The following C10orf67 variants were observed in gnomAD, a reference collection of about 807,000 sequenced individuals.
The protein encoded by C10orf67 is chromosome 10 open reading frame 67.
In C10orf67, 60 loss-of-function variants were observed where a neutral mutation model predicts 35.6. The ratio of observed to expected loss-of-function variants is 1.68; its 90% CI spans 1.37 to 2.09. C10orf67 has a LOEUF of 2.09. Among genes scored for constraint, C10orf67 ranks in the 30% most tolerant of loss-of-function variants. The pLI, the probability that C10orf67 is intolerant of heterozygous loss-of-function variation, is 0.00. For synonymous variants in C10orf67, 167 were observed against 115.8 expected, an observed-to-expected ratio of 1.44 and a Z score of -2.84; for missense variants, 474 against 330.2, an observed-to-expected ratio of 1.44 and a Z score of -3.38.
intron 13 of C10orf67, among the ~76,000 whole-genome samples, 169 bp downstream of exon 13, chr10:23,239,560 T>C (rs1417779245): frequency 6.6e-6 from 1 of 152,212 alleles, no homozygotes; most frequent in Non-Finnish European, 1.5e-5. Flanking sequence ...ACTGAGCTCT[T>C]TGGGTTCAGG....
chr10:23,245,280 G>T (rs1157976170), intron 12 of C10orf67, among the ~76,000 whole-genome samples: 1 of 152,108 alleles, frequency 6.6e-6, no homozygotes, highest in African/African-American at 2.4e-5. Flanking sequence ...AGGAGGGAAA[G>T]CTTTTTCACA....
chr10:23,318,058 C>T (rs1844797002), intron 4 of C10orf67: 1 of 135,592 alleles, frequency 7.4e-6, no homozygotes, highest in Admixed American at 8.0e-5. Context: ...GCTATGAGCA[C>T]ACCCTACATT....
chr10:23,250,949 T>C (rs1235329187), intron 10 of C10orf67, among the ~76,000 whole-genome samples: 1 of 151,942 alleles, frequency 6.6e-6, no homozygotes, highest in Non-Finnish European at 1.5e-5. Context: ...AATTAAACAT[T>C]AGCAAGGCAT....
chr10:23,246,217 G>A lies in C10orf67; in HGVS notation c.1346+4238C>T, dbSNP rs534007491. On this transcript the variant is annotated intron_variant, in intron 12 of 15. Transcript: ENST00000636213. ...CCTATTTGAGGGTGGAGGTTTGGAG[G>A]AGAGTGAGGAATGAAAAACTACCTA... 2.0e-4 allele frequency among the ~76,000 whole-genome samples: 30 copies of A among 152,250 alleles called. No individual in the cohort carries two copies. The South Asian group carries it at 5.8e-3, about 29-fold the overall frequency.
At chr10:23,230,254 T>C (rs1841871710) in intron 13 of C10orf67, among the ~76,000 whole-genome samples, 1 of 152,128 alleles carries the variant, frequency 6.6e-6, no homozygotes, top group Non-Finnish European at 1.5e-5. Context: ...AGATGGTTAT[T>C]TATAATAAAA....
intron 13 of C10orf67, among the ~76,000 whole-genome samples, chr10:23,235,983 T>G (rs1421020622): frequency 6.6e-6 from 1 of 151,904 alleles, no homozygotes; most frequent in Non-Finnish European, 1.5e-5. Context: ...GCATGGTGGC[T>G]CAAGCCTGTA....
intron 10 of C10orf67, among the ~76,000 whole-genome samples, chr10:23,251,196 G>A (rs1032267580): frequency 1.3e-5 from 2 of 152,106 alleles, no homozygotes; most frequent in African/African-American, 4.8e-5. Context: ...TCCCGTAAAT[G>A]GTGAACTTAG....
intron 10 of C10orf67, among the ~76,000 whole-genome samples, chr10:23,264,989 C>A (rs1031751912): frequency 6.6e-6 from 1 of 152,200 alleles, no homozygotes; most frequent in African/African-American, 2.4e-5. Context: ...AAAATACTTC[C>A]CAAAATCTGG....
At chr10:23,332,534 A>C (rs1369760032) in intron 2 of C10orf67, among the ~76,000 whole-genome samples, 2 of 152,108 alleles carry the variant, frequency 1.3e-5, no homozygotes, top group African/African-American at 4.8e-5. Context: ...CATACATAAA[A>C]TTAGCTGGGC....
intron 13 of C10orf67, among the ~76,000 whole-genome samples, chr10:23,225,142 G>C (rs933179458): frequency 6.6e-6 from 1 of 152,182 alleles, no homozygotes; most frequent in Non-Finnish European, 1.5e-5. Context: ...ACCCACAAAG[G>C]GAAGCCCATC....
chr10:23,301,397 C>T (rs926457495), intron 5 of C10orf67, among the ~76,000 whole-genome samples: 4 of 152,204 alleles, frequency 2.6e-5, no homozygotes, highest in African/African-American at 7.2e-5. Context: ...CCGGTGGTCA[C>T]GCTAATCGTT....
At chr10:23,331,163 A>G in intron 2 of C10orf67, among the ~76,000 whole-genome samples, 1 of 149,112 alleles carries the variant, frequency 6.7e-6, no homozygotes, top group Non-Finnish European at 1.5e-5. Flanking sequence ...AAGGGAAGGG[A>G]AGGGAACCGG....
At chr10:23,264,447 T>C (rs1159584573) in intron 10 of C10orf67, among the ~76,000 whole-genome samples, 5 of 152,114 alleles carry the variant, frequency 3.3e-5, no homozygotes. Flanking sequence ...GCTGACAAAA[T>C]GTACTGTTTG....
intron 13 of C10orf67, among the ~76,000 whole-genome samples, chr10:23,229,400 A>T (rs1841841099): frequency 2.4e-5 from 3 of 127,206 alleles, no homozygotes; most frequent in African/African-American, 6.0e-5. Context: ...ACTTGGACAC[A>T]GGAAGGGGGA....
intron 2 of C10orf67, among the ~76,000 whole-genome samples, chr10:23,325,654 T>G (rs969056244): frequency 6.9e-6 from 1 of 145,502 alleles, no homozygotes; most frequent in Admixed American, 7.0e-5. Context: ...GTCCACAATA[T>G]AATCCAAATT....
intron 2 of C10orf67, among the ~76,000 whole-genome samples, chr10:23,329,143 A>C (rs1845328173): frequency 6.6e-6 from 1 of 152,014 alleles, no homozygotes. Flanking sequence ...ACATCCTAAA[A>C]TTGAGTGTCT....
At chr10:23,312,862 C>T (rs1844550008) in intron 4 of C10orf67, among the ~76,000 whole-genome samples, 1 of 152,150 alleles carries the variant, frequency 6.6e-6, no homozygotes, top group Non-Finnish European at 1.5e-5. Flanking sequence ...AAGGCCTTCT[C>T]AGAAAAAGAC....
chr10:23,343,415 C>T (rs945062166), intron 1 of C10orf67, among the ~76,000 whole-genome samples: 1 of 152,204 alleles, frequency 6.6e-6, no homozygotes, highest in African/African-American at 2.4e-5. Flanking sequence ...GACCTGGAAT[C>T]TGCCAGTGGG....
At chr10:23,321,348 A>T (rs1234662786) in intron 3 of C10orf67, among the ~76,000 whole-genome samples, 3 of 152,212 alleles carry the variant, frequency 2.0e-5, no homozygotes, top group Non-Finnish European at 4.4e-5. Context: ...AACAAGAAAT[A>T]GGCTTTATAC....
Sources: gnomAD v4.1 joint callset for allele counts (sites outside exome capture counted in the v4.1 genomes callset) on GRCh38, gnomAD v4.1.1 for gene constraint, MANE v1.5 for transcripts, NCBI Gene and HGNC (gene_info 2026-07-23, HGNC 2026-07-21) for gene names.